MYL1: variants seen among roughly 807,000 people sequenced by gnomAD.
The protein encoded by MYL1 is myosin light chain 1.
Under a neutral mutation model 21.8 loss-of-function variants are expected in MYL1, and 16 were observed. That is an observed-to-expected ratio of 0.74 (90% confidence interval 0.50 to 1.12). MYL1 has a LOEUF of 1.12. Among genes scored for constraint, MYL1 ranks in the 50% most tolerant of loss-of-function variants. The pLI is 0.00. For missense variants in MYL1, 246 were observed against 241.0 expected, an observed-to-expected ratio of 1.02 and a Z score of -0.14; for synonymous variants, 99 against 85.2, an observed-to-expected ratio of 1.16 and a Z score of -0.89.
At chr2:210,310,947 C>A (rs150568004) in intron 1 of MYL1, among the ~76,000 whole-genome samples, 2,636 of 152,106 alleles carry the variant, frequency 0.017, 216 homozygotes, top group Admixed American at 0.14. Context: ...TAAGTTAAAC[C>A]CTAGGTCCAT....
Position 210,293,705 on chromosome 2 carries a change from A to G in MYL1, c.556+18T>C. On this transcript the variant is annotated intron_variant, in intron 5 of 6. Coordinates refer to ENST00000352451, the MANE Select transcript of MYL1 (RefSeq NM_079420.3). ...TCAGTTAAGAGTTGCTGTAACCACCAGTGAGCATTGATTCTACCTTCGTAG... is the reference window on the plus strand; with the variant it reads ...TCAGTTAAGAGTTGCTGTAACCACCGGTGAGCATTGATTCTACCTTCGTAG... 3 of 1,611,498 alleles carry G rather than the reference A, an allele frequency of 1.9e-6. No individual in the cohort carries two copies. In the South Asian group the frequency reaches 3.3e-5, roughly 18 times the overall value.
At chr2:210,306,060 CA>C (rs1246541752) in intron 1 of MYL1, among the ~76,000 whole-genome samples, 41 of 113,912 alleles carry the variant, frequency 3.6e-4, no homozygotes, top group African/African-American at 1.1e-3. Flanking sequence ...AACTCCCTCA[CA>C]AAAAAAAAAT....
intron 3 of MYL1, among the ~76,000 whole-genome samples, chr2:210,296,997 GT>G (rs1197944217): frequency 7.2e-6 from 1 of 139,190 alleles, no homozygotes; most frequent in Non-Finnish European, 1.5e-5. Flanking sequence ...TCCATTGTGT[GT>G]GTGTGTGTGT....
chr2:210,296,700 G>C (rs1575702881), intron 3 of MYL1, among the ~76,000 whole-genome samples: 1 of 152,112 alleles, frequency 6.6e-6, no homozygotes, highest in South Asian at 2.1e-4. Context: ...GGAGGGACTA[G>C]AGCACTAGAA....
Position 210,290,337 on chromosome 2 carries a change from T to G in MYL1, c.*145A>C, listed in dbSNP as rs1690055789. The G allele has an allele frequency of 6.6e-6, 1 of 152,136 alleles. No individual in the cohort carries two copies. Among genetic ancestry groups the G allele is most frequent in the African/African-American group, 2.4e-5 (1 of 41,438 alleles). 9.4% of individuals were successfully genotyped at this position (152,136 alleles called of 1,614,324 possible). A position where few individuals can be genotyped will look rare whatever the true frequency, so the allele number is the denominator to read the frequency against. On this transcript the variant is annotated 3_prime_UTR_variant, in exon 7 of 7. Coordinates refer to ENST00000352451, the MANE Select transcript of MYL1 (RefSeq NM_079420.3). ...AGAAAAACTGAAGATGTATAAAAAT[T>G]CAGGGAGTTGCTCAGTCTTGAACCG...
At chr2:210,302,840 C>A in intron 1 of MYL1, 1 of 1,546,454 alleles carries the variant, frequency 6.5e-7, no homozygotes, top group Non-Finnish European at 8.8e-7. Context: ...AGTACTCTTT[C>A]AAATGCATTG....
intron 1 of MYL1, chr2:210,302,761 C>A (rs1368876539): frequency 1.3e-6 from 2 of 1,566,134 alleles, no homozygotes; most frequent in East Asian, 2.4e-5. Context: ...AAACTCAATT[C>A]ACTTACCAGC....
intron 3 of MYL1, among the ~76,000 whole-genome samples, chr2:210,296,286 G>A (rs1328831273): frequency 6.6e-6 from 1 of 152,094 alleles, no homozygotes; most frequent in Non-Finnish European, 1.5e-5. Flanking sequence ...TCATTTCTTT[G>A]TATTGGGAAC....
intron 1 of MYL1, among the ~76,000 whole-genome samples, chr2:210,305,392 G>A (rs1336584905): frequency 6.6e-6 from 1 of 152,126 alleles, no homozygotes; most frequent in Non-Finnish European, 1.5e-5. Context: ...ATCATTGGGG[G>A]AAATGGAAGG....
intron 1 of MYL1, among the ~76,000 whole-genome samples, chr2:210,309,827 C>T (rs1690392517): frequency 6.6e-6 from 1 of 152,040 alleles, no homozygotes. Flanking sequence ...ACTTTATGGT[C>T]TCTTTGTCTT....
chr2:210,299,544 T>C (rs1690232438), intron 2 of MYL1, among the ~76,000 whole-genome samples: 1 of 152,152 alleles, frequency 6.6e-6, no homozygotes, highest in Non-Finnish European at 1.5e-5. Flanking sequence ...AATACATATT[T>C]TAAAGTGTTC....
chr2:210,315,123 G>A lies in MYL1; in HGVS notation c.-81C>T, dbSNP rs1690476741. ...TCAAAATGATTCTTGGAAGAGGAGT[G>A]GTGGTTGGGTTGATCCACAGCCCAG... On this transcript the variant is annotated 5_prime_UTR_variant, in exon 1 of 7. Transcript: ENST00000352451. 15 of 1,544,624 alleles carry A rather than the reference G, an allele frequency of 9.7e-6. No individual in the cohort carries two copies. In the South Asian group the frequency reaches 1.2e-4, roughly 12 times the overall value.
At chr2:210,311,414 A>G in intron 1 of MYL1, among the ~76,000 whole-genome samples, 1 of 152,086 alleles carries the variant, frequency 6.6e-6, no homozygotes, top group East Asian at 1.9e-4. Context: ...GCATGTGGTC[A>G]ATTGTTGATG....
chr2:210,308,513 G>T (rs7557043), intron 1 of MYL1, among the ~76,000 whole-genome samples: 16,289 of 146,266 alleles, frequency 0.11, 1,122 homozygotes, highest in African/African-American at 0.18. Flanking sequence ...CCCAGTTTCT[G>T]CAATATAAGA....
At chr2:210,295,498 G>T (rs775441018) in intron 3 of MYL1, among the ~76,000 whole-genome samples, 1 of 151,852 alleles carries the variant, frequency 6.6e-6, no homozygotes, top group Admixed American at 6.6e-5. Context: ...AACCAAAAAA[G>T]GCCAGGCATG....
chr2:210,313,709 G>A (rs1690449131), intron 1 of MYL1, among the ~76,000 whole-genome samples: 1 of 151,816 alleles, frequency 6.6e-6, no homozygotes, highest in African/African-American at 2.4e-5. Flanking sequence ...TAATTGGAAT[G>A]TTATATAAAT....
At chr2:210,311,824 G>A (rs1690423375) in intron 1 of MYL1, among the ~76,000 whole-genome samples, 2 of 151,974 alleles carry the variant, frequency 1.3e-5, no homozygotes, top group South Asian at 4.1e-4. Context: ...GGGAGTATTA[G>A]CTCTCTGAAG....
chr2:210,314,985 G>A lies in MYL1; in HGVS notation c.58C>T (p.Pro20Ser), dbSNP rs1690471621. Residue 20 changes from proline (P) to serine (S), a missense_variant, in exon 1 of 7, where the codon CCG becomes TCG. Pro to Ser is a moderately conservative substitution (Grantham distance 74). Coordinates refer to ENST00000352451, the MANE Select transcript of MYL1 (RefSeq NM_079420.3). ...GGGGCAGGTGCAGGTGCCGGTGCCG[G>A]GGCTGGGGCAGCCGCAGCCGCAGCC... ...PVAAAAAAPA[P>S]APAPAPAPAP... The A allele has an allele frequency of 6.2e-7, 1 of 1,610,602 alleles. No homozygotes were observed. The highest frequency in any genetic ancestry group is 8.5e-7 in the Non-Finnish European group (1 of 1,178,982).
intron 3 of MYL1, among the ~76,000 whole-genome samples, chr2:210,294,691 T>C (rs1197920321): frequency 6.6e-6 from 1 of 152,144 alleles, no homozygotes; most frequent in Non-Finnish European, 1.5e-5. Flanking sequence ...ATCTGTAAAA[T>C]AGAGATAACT....
Sources: allele counts gnomAD v4.1 joint callset (sites outside exome capture counted in the v4.1 genomes callset), GRCh38; gene constraint gnomAD v4.1.1; transcripts MANE v1.5; gene names NCBI Gene and HGNC (gene_info 2026-07-23, HGNC 2026-07-21).